The following ZFYVE9 variants were observed in gnomAD, a reference collection of about 807,000 sequenced individuals.
The protein encoded by ZFYVE9 is zinc finger FYVE domain-containing protein 9.
Under a neutral mutation model 126.7 loss-of-function variants are expected in ZFYVE9, and 43 were observed. The ratio of observed to expected loss-of-function variants is 0.34; its 90% CI spans 0.27 to 0.44. The LOEUF (loss-of-function observed/expected upper bound fraction) is 0.44. Ranked by LOEUF, ZFYVE9 falls within the 20% of genes least tolerant of loss-of-function variation. ZFYVE9 has a pLI of 1.00. For synonymous variants in ZFYVE9, 521 were observed against 597.4 expected (o/e 0.87, Z 1.87); for missense variants, 1,476 against 1,697.0 (o/e 0.87, Z 2.29).
intron 13 of ZFYVE9, among the ~76,000 whole-genome samples, chr1:52,317,630 A>G (rs903198219): frequency 3.1e-4 from 47 of 152,204 alleles, no homozygotes; most frequent in Non-Finnish European, 4.4e-5. Context: ...GACAAAAACA[A>G]TAAAGAAAAT....
In ZFYVE9 at chr1:52,261,230, T is replaced by TTTC. The variant is rs1557487151; in HGVS notation, c.2179-2541_2179-2540insCTT. Among the ~76,000 whole-genome samples the TTTC allele has an allele frequency of 4.1e-5, 6 of 147,292 alleles. No individual in the cohort carries two copies. In the East Asian group the frequency reaches 1.5e-3, roughly 36 times the overall value. ...GGTTTTTCTTTTTCTTTCTTTCTTT[T>TTTC]TTTTTTTTTTTTTTGAGACAGGGTT... is the stretch of plus-strand genomic sequence containing the variant. On this transcript the variant is annotated intron_variant, in intron 4 of 18. Coordinates refer to ENST00000287727, the MANE Select transcript of ZFYVE9 (RefSeq NM_004799.4).
intron 9 of ZFYVE9, among the ~76,000 whole-genome samples, chr1:52,278,986 G>C (rs1175449148): frequency 6.6e-6 from 1 of 151,900 alleles, no homozygotes; most frequent in Non-Finnish European, 1.5e-5. Flanking sequence ...TGATCCGCCC[G>C]CCTCAGCCTC....
At chr1:52,150,128 T>C (rs529744647) in intron 1 of ZFYVE9, 3 of 152,256 alleles carry the variant, frequency 2.0e-5, no homozygotes, top group Non-Finnish European at 4.4e-5. Flanking sequence ...CATGTGCGTC[T>C]AGTCTCAGTT....
chr1:52,196,365 C>T (rs1481671112), intron 1 of ZFYVE9, among the ~76,000 whole-genome samples: 3 of 151,876 alleles, frequency 2.0e-5, no homozygotes, highest in African/African-American at 4.8e-5. Flanking sequence ...GTAAGTTGGC[C>T]GGGCTCACGC....
At chr1:52,173,066 C>A (rs1291836774) in intron 1 of ZFYVE9, among the ~76,000 whole-genome samples, 1 of 151,536 alleles carries the variant, frequency 6.6e-6, no homozygotes, top group Non-Finnish European at 1.5e-5. Context: ...GAGAGGGCAT[C>A]CCTGTCTTGT....
chr1:52,309,418 G>A (rs115942439), intron 13 of ZFYVE9, among the ~76,000 whole-genome samples: 1,885 of 152,282 alleles, frequency 0.012, 34 homozygotes, highest in African/African-American at 0.043. Context: ...AGTCGAGACT[G>A]CAGTGAGCTG....
intron 13 of ZFYVE9, among the ~76,000 whole-genome samples, chr1:52,322,850 G>C (rs1356445064): frequency 2.7e-5 from 4 of 150,224 alleles, no homozygotes; most frequent in African/African-American, 9.8e-5. Flanking sequence ...TATCGCCCAG[G>C]CTGGAGTGCA....
chr1:52,205,848 T>C (rs1644973527), intron 1 of ZFYVE9, among the ~76,000 whole-genome samples: 1 of 152,204 alleles, frequency 6.6e-6, no homozygotes, highest in Non-Finnish European at 1.5e-5. Context: ...AAATTATATC[T>C]CCCTGTTAGA....
intron 1 of ZFYVE9, among the ~76,000 whole-genome samples, chr1:52,202,926 T>TC (rs903905483): frequency 4.6e-5 from 7 of 151,990 alleles, no homozygotes; most frequent in South Asian, 2.1e-4. Flanking sequence ...CCTTAGGTGA[T>TC]CCCCCCATCT....
intron 15 of ZFYVE9, among the ~76,000 whole-genome samples, chr1:52,336,718 A>G (rs968032765): frequency 1.3e-5 from 2 of 152,130 alleles, no homozygotes; most frequent in Non-Finnish European, 2.9e-5. Flanking sequence ...AGCCTATATG[A>G]TGAAGTGTTG....
rs200620956 is a variant in ZFYVE9 at position 52,344,982 on chromosome 1, G to C, written c.4116+38G>C. The C allele has an allele frequency of 1.2e-5, 20 of 1,606,006 alleles. No homozygotes were observed. In the East Asian group the frequency reaches 4.2e-4, roughly 34 times the overall value. ...TTCCGCAGCTTTTAAAGCTGGCCTT[G>C]GGCAACGTCTGTATTTCTGACGTGA... On this transcript the variant is annotated intron_variant, in intron 18 of 18. Transcript: ENST00000287727.
intron 2 of ZFYVE9, among the ~76,000 whole-genome samples, chr1:52,225,454 G>T (rs144653668): frequency 6.6e-6 from 1 of 152,198 alleles, no homozygotes; most frequent in Non-Finnish European, 1.5e-5. Context: ...CTGCCGAAGG[G>T]TGCTGCTTAT....
chr1:52,222,766 G>A (rs998563734), intron 2 of ZFYVE9, among the ~76,000 whole-genome samples: 7 of 152,312 alleles, frequency 4.6e-5, no homozygotes, highest in South Asian at 4.1e-4. Flanking sequence ...ACCATATGTC[G>A]GGATGGATTT....
chr1:52,218,830 G>A (rs2124599555), intron 2 of ZFYVE9, among the ~76,000 whole-genome samples: 1 of 152,258 alleles, frequency 6.6e-6, no homozygotes, highest in African/African-American at 2.4e-5. Flanking sequence ...GATGGAGGAG[G>A]AGGAGCAAAC....
chr1:52,168,861 C>G (rs553362471), intron 1 of ZFYVE9, among the ~76,000 whole-genome samples: 19 of 152,128 alleles, frequency 1.2e-4, no homozygotes, highest in Non-Finnish European at 2.6e-4. Context: ...TATCAGGTTT[C>G]TTTTAATGTA....
At chr1:52,235,216 C>CT (rs1341022202) in intron 3 of ZFYVE9, among the ~76,000 whole-genome samples, 1 of 152,166 alleles carries the variant, frequency 6.6e-6, no homozygotes, top group East Asian at 1.9e-4. Flanking sequence ...GCATTAAAAA[C>CT]TATCACTTCA....
At chr1:52,164,655 T>C (rs1217976127) in intron 1 of ZFYVE9, among the ~76,000 whole-genome samples, 1 of 151,856 alleles carries the variant, frequency 6.6e-6, no homozygotes, top group Non-Finnish European at 1.5e-5. Flanking sequence ...CATCCGTCCA[T>C]CCATCCATCC....
intron 1 of ZFYVE9, among the ~76,000 whole-genome samples, chr1:52,157,587 A>T (rs533805343): frequency 1.3e-4 from 19 of 151,420 alleles, no homozygotes; most frequent in African/African-American, 4.6e-4. Context: ...TTTTTAGTAG[A>T]GACGGGGGTT....
At position 52,239,168 on chromosome 1, in the gene ZFYVE9, C is replaced by T. The variant is rs1445646440; in HGVS notation, c.1751C>T (p.Pro584Leu). Residue 584 changes from proline to leucine, a missense_variant, in exon 4 of 19, where the codon CCT (proline) becomes CTT (leucine). By Grantham distance (98) the Pro-to-Leu change is moderately conservative (BLOSUM62 -3). Transcript: ENST00000287727. ...TTTGGTGGTGCAAGACCCAAGCAACCTTCTAATCTTAAACTTCAAATTCCA... is the reference window on the plus strand; with the variant it reads ...TTTGGTGGTGCAAGACCCAAGCAACTTTCTAATCTTAAACTTCAAATTCCA... The part of the protein sequence containing the change: ...VPFGGARPKQ[P>L]SNLKLQIPKP... The T allele has an allele frequency of 1.2e-6, 2 of 1,614,106 alleles. No homozygotes were observed.
Sources: allele counts gnomAD v4.1 joint callset (sites outside exome capture counted in the v4.1 genomes callset), GRCh38; gene constraint gnomAD v4.1.1; transcripts MANE v1.5; gene names NCBI Gene and HGNC (gene_info 2026-07-23, HGNC 2026-07-21).